The following GALNTL5 variants were observed in gnomAD, a reference collection of about 807,000 sequenced individuals.
The protein encoded by GALNTL5 is polypeptide N-acetylgalactosaminyltransferase like 5, also known as inactive polypeptide N-acetylgalactosaminyltransferase-like protein 5.
A neutral mutation model predicts 51.0 loss-of-function variants in GALNTL5; 44 were observed. The observed-to-expected ratio is 0.86, with a 90% CI of 0.68 to 1.11. GALNTL5 has a LOEUF of 1.11. Ranked by LOEUF, GALNTL5 falls within the 50% of genes least tolerant of loss-of-function variation. GALNTL5 has a pLI of 0.00. For missense variants in GALNTL5, 528 were observed against 531.8 expected, an observed-to-expected ratio of 0.99 and a Z score of 0.07; for synonymous variants, 192 against 182.8, an observed-to-expected ratio of 1.05 and a Z score of -0.41.
At chr7:151,993,848 G>A (rs1039509105) in intron 5 of GALNTL5, among the ~76,000 whole-genome samples, 1 of 151,876 alleles carries the variant, frequency 6.6e-6, no homozygotes, top group Admixed American at 6.6e-5. Context: ...TCAAACTCCT[G>A]GTCTCAAGCA....
intron 3 of GALNTL5, among the ~76,000 whole-genome samples, chr7:151,971,767 A>G (rs963584181): frequency 2.0e-5 from 3 of 152,158 alleles, no homozygotes; most frequent in African/African-American, 7.2e-5. Flanking sequence ...TTCTCATGAT[A>G]GTGAGGGAGT....
chr7:151,961,264 G>T (rs1586800304), intron 1 of GALNTL5, among the ~76,000 whole-genome samples: 1 of 152,036 alleles, frequency 6.6e-6, no homozygotes, highest in South Asian at 2.1e-4. Context: ...TCCCTTGGGA[G>T]GCCAAGGCAG....
intron 1 of GALNTL5, chr7:151,960,694 C>T (rs1308185308): frequency 6.6e-6 from 1 of 152,274 alleles, no homozygotes; most frequent in Non-Finnish European, 1.5e-5. Context: ...ACCCATTGAC[C>T]AGTCTTTGAA....
At chr7:151,984,868 T>G (rs1398396004) in intron 4 of GALNTL5, among the ~76,000 whole-genome samples, 1 of 152,184 alleles carries the variant, frequency 6.6e-6, no homozygotes, top group African/African-American at 2.4e-5. Flanking sequence ...GTGCCAGGAA[T>G]GACCAGGGGA....
intron 5 of GALNTL5, among the ~76,000 whole-genome samples, chr7:151,996,794 T>TAAAAAA (rs60393786): frequency 2.7e-5 from 4 of 146,112 alleles, no homozygotes; most frequent in African/African-American, 7.6e-5. Context: ...AACGTGTAGG[T>TAAAAAA]AAAAAAAAAA....
intron 8 of GALNTL5, among the ~76,000 whole-genome samples, chr7:152,015,548 CAG>C (rs1304008567): frequency 3.9e-5 from 6 of 151,988 alleles, no homozygotes; most frequent in Non-Finnish European, 2.9e-5. Flanking sequence ...TTAGTAGAGA[CAG>C]GGTTTCACCA....
rs1041294368 is a variant in GALNTL5 at position 151,997,986 on chromosome 7, G to A, written c.659-4728G>A. Among the ~76,000 whole-genome samples the A allele has an allele frequency of 2.5e-4, 38 of 152,292 alleles. 1 individual carries two copies. The highest frequency in any genetic ancestry group is 9.1e-4 in the African/African-American group (38 of 41,576). ...GGAGGCCAAGGCAAGAGGATTGCTT[G>A]AGGCCAGGAGTTCTAAGACCAGCCT... On this transcript the variant is annotated intron_variant, in intron 5 of 8. Transcript: ENST00000392800.
At chr7:152,010,528 G>A (rs2081718501) in intron 7 of GALNTL5, among the ~76,000 whole-genome samples, 1 of 152,094 alleles carries the variant, frequency 6.6e-6, no homozygotes, top group African/African-American at 2.4e-5. Flanking sequence ...AGCACTTGGG[G>A]AGGCCAAAGT....
chr7:151,988,666 T>G, intron 5 of GALNTL5, among the ~76,000 whole-genome samples: 1 of 151,908 alleles, frequency 6.6e-6, no homozygotes, highest in East Asian at 1.9e-4. Flanking sequence ...GATATATACA[T>G]ATATATGCAC....
intron 6 of GALNTL5, among the ~76,000 whole-genome samples, chr7:152,005,423 C>A (rs76928298): frequency 0.027 from 4,101 of 152,086 alleles, 187 homozygotes; most frequent in African/African-American, 0.095. Context: ...CTGACTCCAA[C>A]GTTTTCGGCC....
Position 151,962,675 on chromosome 7 carries a change from C to A in GALNTL5, c.-39-4533C>A, listed in dbSNP as rs148255743. On this transcript the variant is annotated intron_variant, in intron 1 of 8. Coordinates refer to ENST00000392800, the MANE Select transcript of GALNTL5 (RefSeq NM_145292.4). Reference sequence around the variant, plus strand: ...CCAGACTGGAGTGCAGTGGCATGATCTCAGCTCACTGCAACCTCCACCTCC... The same window carrying A: ...CCAGACTGGAGTGCAGTGGCATGATATCAGCTCACTGCAACCTCCACCTCC... 4.7e-4 allele frequency among the ~76,000 whole-genome samples: 71 copies of A among 152,070 alleles called. No individual in the cohort carries two copies. In the East Asian group the frequency reaches 0.012, roughly 25 times the overall value.
At chr7:151,964,097 T>C (rs2081027713) in intron 1 of GALNTL5, among the ~76,000 whole-genome samples, 1 of 152,184 alleles carries the variant, frequency 6.6e-6, no homozygotes, top group Non-Finnish European at 1.5e-5. Flanking sequence ...CTTCAGGGCT[T>C]GCAGGTGGTT....
chr7:151,978,755 C>T (rs2151944283), intron 3 of GALNTL5, among the ~76,000 whole-genome samples: 1 of 152,250 alleles, frequency 6.6e-6, no homozygotes, highest in Non-Finnish European at 1.5e-5. Flanking sequence ...TTATAGATGG[C>T]CGTCTTCTCC....
At chr7:151,983,356 T>C (rs2081319826) in intron 4 of GALNTL5, among the ~76,000 whole-genome samples, 2 of 152,062 alleles carry the variant, frequency 1.3e-5, no homozygotes, top group Non-Finnish European at 2.9e-5. Context: ...TTTTGTATTT[T>C]TAGTAGAGAC....
At position 151,969,515 on chromosome 7, in the gene GALNTL5, GCA is replaced by G. The variant is rs1362842812; in HGVS notation, c.248-1427_248-1426del. On this transcript the variant is annotated intron_variant, in intron 2 of 8. Coordinates refer to ENST00000392800, the MANE Select transcript of GALNTL5 (RefSeq NM_145292.4). ...GGTGTCTGGCACGCAGACACAGCCAGCACAGTTTCAACCAGCAATGTATCCCC... is the reference window on the plus strand; with the variant it reads ...GGTGTCTGGCACGCAGACACAGCCAGCAGTTTCAACCAGCAATGTATCCCC... Among the ~76,000 whole-genome samples the G allele has an allele frequency of 2.0e-5, 3 of 152,126 alleles. No homozygotes were observed. The South Asian group carries it at 6.2e-4, about 32-fold the overall frequency.
At chr7:151,999,958 G>T (rs938529593) in intron 5 of GALNTL5, among the ~76,000 whole-genome samples, 7 of 152,182 alleles carry the variant, frequency 4.6e-5, no homozygotes, top group Admixed American at 3.9e-4. Flanking sequence ...ATTGAGTCAT[G>T]TTGTTAGAGA....
intron 3 of GALNTL5, among the ~76,000 whole-genome samples, chr7:151,975,389 G>A (rs1473272942): frequency 6.6e-6 from 1 of 151,916 alleles, no homozygotes; most frequent in African/African-American, 2.4e-5. Flanking sequence ...ATGATTCTCT[G>A]TTTTTTCTGT....
chr7:152,018,501 G>C (rs2081847668), intron 8 of GALNTL5, among the ~76,000 whole-genome samples: 2 of 151,992 alleles, frequency 1.3e-5, no homozygotes, highest in South Asian at 4.2e-4. Context: ...CTAGATGGTT[G>C]AATTGAACAT....
In GALNTL5 at chr7:151,962,436, CTT is replaced by C. The variant is rs61210832; in HGVS notation, c.-39-4758_-39-4757del. Among the ~76,000 whole-genome samples, 9 of 116,228 alleles carry C rather than the reference CTT, an allele frequency of 7.7e-5. 1 individual carries two copies. The highest frequency in any genetic ancestry group is 1.9e-4 in the Admixed American group (2 of 10,686). The allele number at this position is 116,228 out of a possible 152,430, so 76.3% of individuals were successfully genotyped here. On this transcript the variant is annotated intron_variant, in intron 1 of 8. Coordinates refer to ENST00000392800, the MANE Select transcript of GALNTL5 (RefSeq NM_145292.4). ...AAAAAAGTCTGTGTGATTTTTTTTT[CTT>C]TTTTTTTTTTTTTGGTTAATGCAGT...
Sources: gnomAD v4.1 joint callset for allele counts (sites outside exome capture counted in the v4.1 genomes callset) on GRCh38, gnomAD v4.1.1 for gene constraint, MANE v1.5 for transcripts, NCBI Gene and HGNC (gene_info 2026-07-23, HGNC 2026-07-21) for gene names.